Variants in C4orf50 observed in about 807,000 individuals in gnomAD.
C4orf50 encodes uncharacterized protein C4orf50.
Under a neutral mutation model 77.2 loss-of-function variants are expected in C4orf50, and 80 were observed. That is an observed-to-expected ratio of 1.04 (90% CI 0.87 to 1.25). The LOEUF (loss-of-function observed/expected upper bound fraction) is 1.25. Ranked by LOEUF, C4orf50 falls within the 50% of genes most tolerant of loss-of-function variation. The pLI, the probability that C4orf50 is intolerant of heterozygous loss-of-function variation, is 0.00. For missense variants in C4orf50, 1,257 were observed against 1,152.9 expected (o/e 1.09, Z -1.31); for synonymous variants, 532 against 465.3 (o/e 1.14, Z -1.84).
exon 28 of C4orf50, chr4:5,989,815 C>A (rs1303727051): frequency 6.7e-7 from 1 of 1,496,440 alleles, no homozygotes; most frequent in African/African-American, 1.4e-5. Flanking sequence ...CTCGGGGGCA[C>A]CCCTGCACCC....
intron 31 of C4orf50, among the ~76,000 whole-genome samples, chr4:5,968,159 G>A (rs1297701619): frequency 7.9e-5 from 12 of 152,194 alleles, no homozygotes; most frequent in Non-Finnish European, 1.2e-4. Flanking sequence ...AGGTATAGGA[G>A]GCCATCTCCC....
rs139690045 is a variant in C4orf50, at chr4:5,990,433, T to A, written c.1613A>T (p.Lys538Ile). Residue 538 changes from lysine (K) to isoleucine (I), a missense_variant, in exon 28 of 34, where the codon AAA becomes ATA. By Grantham distance (102) the Lys-to-Ile change is moderately radical (BLOSUM62 -3). Transcript: ENST00000531445. ...GTCTTTCAGATCCTTGGGGTGTTTTTTCAGAAATGGGTGATTTGAAATGTA... is the reference window on the plus strand; with the variant it reads ...GTCTTTCAGATCCTTGGGGTGTTTTATCAGAAATGGGTGATTTGAAATGTA... 55 of 405,188 alleles carry A rather than the reference T, an allele frequency of 1.4e-4. 1 individual carries two copies. Among genetic ancestry groups the A allele is most frequent in the African/African-American group, 1.1e-3 (52 of 48,824 alleles). The allele number at this position is 405,188 out of a possible 1,614,324, so 25.1% of individuals were successfully genotyped here.
At chr4:5,965,225 CCTT>C in intron 32 of C4orf50, 80 bp from the exon 11 acceptor site, 1 of 1,405,954 alleles carries the variant, frequency 7.1e-7, no homozygotes, top group Non-Finnish European at 9.8e-7. Context: ...CTTGTCATAA[CCTT>C]CTTCACTCTC....
chr4:5,924,876 A>G (rs1717443678), intron 7 of C4orf50, among the ~76,000 whole-genome samples: 1 of 152,180 alleles, frequency 6.6e-6, no homozygotes, highest in Non-Finnish European at 1.5e-5. Flanking sequence ...GAGGGTCCGG[A>G]GCTTAGCAGG....
intron 28 of C4orf50, among the ~76,000 whole-genome samples, chr4:5,983,086 C>T (rs916978600): frequency 6.6e-6 from 1 of 152,164 alleles, no homozygotes; most frequent in Non-Finnish European, 1.5e-5. Flanking sequence ...CACCAAGTCC[C>T]GTGGACTCCA....
In C4orf50 at chr4:5,935,784, TAAAAAAA is replaced by T. The variant is rs769910855; in HGVS notation, c.*2474+21110_*2474+21116del. ...CTGGGCGACAGAGGGAGACTCCGTC[TAAAAAAA>T]AAAAAAAAAAAAAAAAAAAGCCCCA... On this transcript the variant is annotated intron_variant, in intron 7 of 7. Transcript: ENST00000324058. Among the ~76,000 whole-genome samples, 26 of 31,492 alleles carry T rather than the reference TAAAAAAA, an allele frequency of 8.3e-4. 1 individual carries two copies. The South Asian group carries it at 0.014, about 17-fold the overall frequency. The allele number at this position is 31,492 out of a possible 152,430, so 20.7% of individuals were successfully genotyped here. A position where few individuals can be genotyped will look rare whatever the true frequency, so the allele number is the denominator to read the frequency against.
exon 28 of C4orf50, chr4:5,990,645 G>A (rs1409326722): frequency 7.5e-6 from 3 of 399,094 alleles, no homozygotes; most frequent in Non-Finnish European, 1.3e-5. Context: ...CCGGCCCCCA[G>A]AGAGGGAGTG....
intron 23 of C4orf50, among the ~76,000 whole-genome samples, 192 bp from the exon 2 acceptor site, chr4:6,012,160 C>T (rs765829220): frequency 1.2e-4 from 18 of 152,284 alleles, no homozygotes; most frequent in East Asian, 3.9e-4. Flanking sequence ...ACTTCAAAGA[C>T]GTTATTTGAA....
chr4:5,993,790 C>T (rs1721423634), intron 26 of C4orf50, among the ~76,000 whole-genome samples: 1 of 151,032 alleles, frequency 6.6e-6, no homozygotes, highest in South Asian at 2.1e-4. Flanking sequence ...GTACTCCAGC[C>T]TAGGTGACAG....
chr4:5,931,566 C>T (rs1262151235), intron 7 of C4orf50, among the ~76,000 whole-genome samples: 1 of 152,162 alleles, frequency 6.6e-6, no homozygotes, highest in African/African-American at 2.4e-5. Context: ...GCCCTCTGCC[C>T]TTCTAGACTG....
chr4:5,943,437 G>C (rs1718347385), intron 7 of C4orf50, among the ~76,000 whole-genome samples: 1 of 152,208 alleles, frequency 6.6e-6, no homozygotes, highest in South Asian at 2.1e-4. Flanking sequence ...TGAACTCTGG[G>C]ACAGCCTGAA....
Position 5,966,659 on chromosome 4 carries a change from G to GTT in C4orf50, c.4153+753_4153+754dup, listed in dbSNP as rs200418774. Among the ~76,000 whole-genome samples the GTT allele has an allele frequency of 2.1e-3, 309 of 145,864 alleles. 1 individual carries two copies. Among genetic ancestry groups the GTT allele is most frequent in the African/African-American group, 6.6e-3 (261 of 39,514 alleles). The stretch of plus-strand genomic sequence containing the variant: ...TATGAAACATTCCATATCTTAAGAG[G>GTT]TTTTTTTTTTTTTCGGAGTCTTGCT... On this transcript the variant is annotated intron_variant, in intron 32 of 33. Transcript: ENST00000531445.
rs148784687 is a variant in C4orf50, at chr4:5,959,660, G to A, written c.4276-34C>T. 6.5e-4 allele frequency: 1,036 copies of A among 1,582,174 alleles called. 5 individuals are homozygous for A. The African/African-American group carries it at 9.8e-3, about 15-fold the overall frequency. ...AAGAGGACAATGAAATGGTCTCTGC[G>A]TCCACATGTTTGTAAAAGCCCCTCC... On this transcript the variant is annotated intron_variant, in intron 33 of 33. Transcript: ENST00000531445.
chr4:5,992,615 C>G lies in C4orf50; in HGVS notation c.1221+188G>C, dbSNP rs1425556585. Among the ~76,000 whole-genome samples the G allele has an allele frequency of 6.6e-6, 1 of 152,082 alleles. No individual in the cohort carries two copies. Among genetic ancestry groups the G allele is most frequent in the Non-Finnish European group, 1.5e-5 (1 of 67,990 alleles). On this transcript the variant is annotated intron_variant, in intron 27 of 33. Coordinates refer to ENST00000531445, the Ensembl canonical transcript of C4orf50. This position sits in a 1 kb window ranked among gnomAD's most constrained non-coding sequence, Gnocchi z 5.0. ...GTTAACCCCCTTCCTCCCCACCCCC[C>G]ATCCAGGTCTCAGGATGTTTCATTT...
chr4:5,963,455 A>C (rs1719384777), intron 33 of C4orf50, among the ~76,000 whole-genome samples: 1 of 152,218 alleles, frequency 6.6e-6, no homozygotes. Flanking sequence ...GTCAATAACA[A>C]TAGCTATCTT....
intron 25 of C4orf50, among the ~76,000 whole-genome samples, chr4:6,001,267 A>T (rs1479389381): frequency 6.6e-6 from 1 of 152,152 alleles, no homozygotes; most frequent in Non-Finnish European, 1.5e-5. Context: ...CTCCTGCCTC[A>T]GCCTCCCGAG....
rs186526764 is a variant in C4orf50, at chr4:5,989,789, C to T, written c.2257G>A (p.Glu753Lys). The change falls in exon 28 of 34, where the codon GAA becomes AAA. Residue 753 changes from glutamate to lysine, a missense_variant. Coordinates refer to ENST00000531445, the Ensembl canonical transcript of C4orf50. Reference sequence around the variant, plus strand: ...AAAAGCATTTCCTTGCTCTCATGTTCCTGGGAGTCAGGCTCCTCGGGGGCA... The same window carrying T: ...AAAAGCATTTCCTTGCTCTCATGTTTCTGGGAGTCAGGCTCCTCGGGGGCA... 1.3e-5 allele frequency: 20 copies of T among 1,518,832 alleles called. No individual in the cohort carries two copies. The East Asian group carries it at 3.7e-4, about 28-fold the overall frequency. The allele number at this position is 1,518,832 out of a possible 1,614,324, so 94.1% of individuals were successfully genotyped here.
rs1407574346 is a variant in C4orf50, at chr4:5,908,203, G to A, written c.*2475-10015C>T. ...GTCCTCAAGGGCCTTATATCTGAGTGAGTAAAACAGACAAGCAAGCAAGTA... is the reference window on the plus strand; with the variant it reads ...GTCCTCAAGGGCCTTATATCTGAGTAAGTAAAACAGACAAGCAAGCAAGTA... On this transcript the variant is annotated intron_variant, in intron 7 of 7. Transcript: ENST00000324058. The surrounding 1 kb of genome is among the most constrained non-coding windows in gnomAD (Gnocchi z 5.6). Among the ~76,000 whole-genome samples the A allele has an allele frequency of 6.6e-6, 1 of 152,206 alleles. No individual in the cohort carries two copies. The highest frequency in any genetic ancestry group is 2.4e-5 in the African/African-American group (1 of 41,446).
At chr4:5,981,368 T>G (rs1247728324) in intron 28 of C4orf50, among the ~76,000 whole-genome samples, 1 of 151,544 alleles carries the variant, frequency 6.6e-6, no homozygotes, top group East Asian at 2.0e-4. Context: ...CCTGAGATCA[T>G]CAGGGGGTAT....
Sources: allele counts gnomAD v4.1 joint callset (sites outside exome capture counted in the v4.1 genomes callset), GRCh38; gene constraint gnomAD v4.1.1; non-coding constraint Gnocchi (gnomAD v3.1); transcripts MANE v1.5; gene names NCBI Gene and HGNC (gene_info 2026-07-23, HGNC 2026-07-21).